PPP6R2: variants seen among roughly 807,000 people sequenced by gnomAD.
PPP6R2 encodes serine/threonine-protein phosphatase 6 regulatory subunit 2.
Under a neutral mutation model 100.2 loss-of-function variants are expected in PPP6R2, and 62 were observed. The observed-to-expected ratio is 0.62, with a 90% CI of 0.50 to 0.76. The LOEUF is 0.76. PPP6R2 is among the 30% of genes least tolerant of loss of function. The pLI is 0.00. For synonymous variants in PPP6R2, 525 were observed against 514.7 expected, an observed-to-expected ratio of 1.02 and a Z score of -0.27; for missense variants, 1,142 against 1,276.3, an observed-to-expected ratio of 0.89 and a Z score of 1.60.
chr22:50,350,574 G>A (rs953449784), intron 1 of PPP6R2, among the ~76,000 whole-genome samples: 5 of 151,750 alleles, frequency 3.3e-5, no homozygotes, highest in African/African-American at 4.8e-5. Flanking sequence ...GGCTGGGCGC[G>A]GTGGCTCACG....
In PPP6R2 at chr22:50,435,002, C is replaced by T. The variant is rs770836896; in HGVS notation, c.1437C>T (p.His479=). 7 of 1,606,018 alleles carry T rather than the reference C, an allele frequency of 4.4e-6. No homozygotes were observed. The Admixed American group carries it at 1.0e-4, about 23-fold the overall frequency. Reference sequence around the variant, plus strand: ...GCATGAGACGTGGGAACATGGGCCACCTCACACGGATCGCCAACGCGGTGG... The same window carrying T: ...GCATGAGACGTGGGAACATGGGCCATCTCACACGGATCGCCAACGCGGTGG... ...AGGMRRGNMG[H]LTRIANAVVQ... Residue 479 remains histidine (H), a synonymous_variant, in exon 13 of 24, where the codon CAC becomes CAT. Coordinates refer to ENST00000612753, the MANE Select transcript of PPP6R2 (RefSeq NM_001242898.2).
intron 1 of PPP6R2, among the ~76,000 whole-genome samples, chr22:50,370,443 A>G (rs573512767): frequency 1.9e-4 from 27 of 144,322 alleles, no homozygotes; most frequent in Admixed American, 1.1e-3. Context: ...GCCTGCCACC[A>G]CGCCCAGCTA....
chr22:50,352,308 C>G (rs1385047673), intron 1 of PPP6R2, among the ~76,000 whole-genome samples: 1 of 152,196 alleles, frequency 6.6e-6, no homozygotes, highest in Admixed American at 6.6e-5. Context: ...CATGAAACAA[C>G]CTCCGCTAGC....
At chr22:50,353,399 C>T (rs545503204) in intron 1 of PPP6R2, among the ~76,000 whole-genome samples, 1 of 152,154 alleles carries the variant, frequency 6.6e-6, no homozygotes, top group East Asian at 1.9e-4. Context: ...GGGAAATGGC[C>T]GGTCAGAACT....
chr22:50,440,355 G>A (rs766468691), intron 21 of PPP6R2, among the ~76,000 whole-genome samples: 12 of 152,252 alleles, frequency 7.9e-5, no homozygotes, highest in Admixed American at 2.0e-4. Flanking sequence ...TGAGATGTGT[G>A]TGGGTGGGTT....
At chr22:50,374,056 A>T (rs1384808673) in intron 2 of PPP6R2, among the ~76,000 whole-genome samples, 2 of 152,126 alleles carry the variant, frequency 1.3e-5, no homozygotes, top group African/African-American at 4.8e-5. Flanking sequence ...TAATTTAAAA[A>T]CAATTTTTTT....
intron 1 of PPP6R2, among the ~76,000 whole-genome samples, chr22:50,363,053 CAT>C (rs2048092479): frequency 6.6e-6 from 1 of 152,138 alleles, no homozygotes; most frequent in Non-Finnish European, 1.5e-5. Context: ...TATTGGCCCA[CAT>C]AGTGTTCAAA....
chr22:50,382,862 G>C (rs1378453973), intron 2 of PPP6R2, among the ~76,000 whole-genome samples: 1 of 147,014 alleles, frequency 6.8e-6, no homozygotes, highest in Non-Finnish European at 1.5e-5. Context: ...TTTTGAGATA[G>C]GGTCTCACTC....
chr22:50,349,378 A>AC (rs2044493543), intron 1 of PPP6R2, among the ~76,000 whole-genome samples: 1 of 150,220 alleles, frequency 6.7e-6, no homozygotes, highest in South Asian at 2.1e-4. Context: ...AAAAAAAAAA[A>AC]AAAAAACGGG....
the PPP6R2 span, among the ~76,000 whole-genome samples, chr22:50,332,423 G>A: frequency 1.3e-5 from 2 of 151,334 alleles, no homozygotes; most frequent in African/African-American, 4.9e-5. Context: ...GTAGAAGCGG[G>A]GTTTCACTGT....
At chr22:50,414,959 A>G (rs1453816074) in intron 5 of PPP6R2, among the ~76,000 whole-genome samples, 1 of 152,140 alleles carries the variant, frequency 6.6e-6, no homozygotes, top group Non-Finnish European at 1.5e-5. Context: ...GCCGAAATGG[A>G]CTTTCCTCGC....
At chr22:50,360,813 GTC>G (rs2047642666) in intron 1 of PPP6R2, among the ~76,000 whole-genome samples, 1 of 152,192 alleles carries the variant, frequency 6.6e-6, no homozygotes, top group South Asian at 2.1e-4. Context: ...GCTCACACCA[GTC>G]TCTCTCAGGT....
intron 2 of PPP6R2, among the ~76,000 whole-genome samples, chr22:50,378,455 G>A (rs1352005011): frequency 6.6e-6 from 1 of 151,978 alleles, no homozygotes; most frequent in Non-Finnish European, 1.5e-5. Context: ...ACGTGGTGGT[G>A]CATGCCTGTA....
intron 2 of PPP6R2, among the ~76,000 whole-genome samples, chr22:50,387,186 G>A (rs12159089): frequency 0.41 from 62,936 of 151,862 alleles, 13,281 homozygotes; most frequent in South Asian, 0.63. Context: ...TCAGGCTCCC[G>A]GAGTAGCTGA....
chr22:50,336,671 G>T, the PPP6R2 span, among the ~76,000 whole-genome samples: 1 of 152,080 alleles, frequency 6.6e-6, no homozygotes, highest in Non-Finnish European at 1.5e-5. Flanking sequence ...TGGGATTATA[G>T]GTGTAAGCCA....
rs1407506070 is a variant in PPP6R2, at chr22:50,431,398, A to G, written c.1335+16A>G. 1.2e-6 allele frequency: 2 copies of G among 1,607,594 alleles called. No individual in the cohort carries two copies. Among genetic ancestry groups the G allele is most frequent in the Non-Finnish European group, 1.7e-6 (2 of 1,177,950 alleles). ...GGTGACCCACGTGAGTCCAAGAAGC[A>G]TCCATCTTATCAGCGCCAACTGCGC... On this transcript the variant is annotated intron_variant, in intron 11 of 23. Transcript: ENST00000612753. This position sits in a 1 kb window ranked among gnomAD's most constrained non-coding sequence, Gnocchi z 4.8.
rs1386231230 is a variant in PPP6R2 at position 50,423,698 on chromosome 22, G to A, written c.1125+84G>A. ...GACTTGTCAGGAGCAGCAGAGCAGG[G>A]CCCCAGCATTTGGACAAAGCTCTGC... On this transcript the variant is annotated intron_variant, in intron 10 of 23. Coordinates refer to ENST00000612753, the MANE Select transcript of PPP6R2 (RefSeq NM_001242898.2). The surrounding 1 kb of genome is among the most constrained non-coding windows in gnomAD (Gnocchi z 4.8). 3 of 1,526,582 alleles carry A rather than the reference G, an allele frequency of 2.0e-6. No individual in the cohort carries two copies. Among genetic ancestry groups the A allele is most frequent in the East Asian group, 2.4e-5 (1 of 42,168 alleles). 94.6% of individuals were successfully genotyped at this position (1,526,582 alleles called of 1,614,324 possible). A position where few individuals can be genotyped will look rare whatever the true frequency, so the allele number is the denominator to read the frequency against.
At chr22:50,340,162 TGGTGTGTGTGTAG>T (rs2042356227), upstream of PPP6R2, among the ~76,000 whole-genome samples, 2 of 127,860 alleles carry the variant, frequency 1.6e-5, no homozygotes, top group Non-Finnish European at 3.2e-5. Context: ...GTAGGGCGTG[TGGTGTGTGTGTAG>T]GGTGTGTATG....
At chr22:50,437,990 G>T in intron 17 of PPP6R2, 90 bp downstream of exon 17, 1 of 1,532,310 alleles carries the variant, frequency 6.5e-7, no homozygotes, top group East Asian at 2.3e-5. Flanking sequence ...GGGCCTGTGC[G>T]GTGGGGCTGG....
Sources: gnomAD v4.1 joint callset for allele counts (sites outside exome capture counted in the v4.1 genomes callset) on GRCh38, gnomAD v4.1.1 for gene constraint, Gnocchi (gnomAD v3.1) non-coding constraint, MANE v1.5 for transcripts, NCBI Gene and HGNC (gene_info 2026-07-23, HGNC 2026-07-21) for gene names.